SZT2: variants seen among roughly 807,000 people sequenced by gnomAD.
SZT2 encodes SZT2 subunit of KICSTOR complex.
In SZT2, 216 loss-of-function variants were observed where a neutral mutation model predicts 404.2. That is an observed-to-expected ratio of 0.53 (90% CI 0.48 to 0.60). SZT2 has a LOEUF of 0.60. Ranked by LOEUF, SZT2 falls within the 20% of genes least tolerant of loss-of-function variation. SZT2 has a pLI of 0.00. For missense variants in SZT2, 3,857 were observed against 4,459.2 expected (o/e 0.86, Z 3.85); for synonymous variants, 1,693 against 1,749.9 (o/e 0.97, Z 0.81).
chr1:43,434,264 A>G (rs775417753), intron 40 of SZT2, 122 bp from the exon 41 acceptor site: 50 of 811,208 alleles, frequency 6.2e-5, no homozygotes, highest in South Asian at 2.2e-4. Context: ...TCTTGGCCCC[A>G]CCTCCATGAC....
chr1:43,432,846 G>A, intron 39 of SZT2, 47 bp downstream of exon 39: 2 of 1,606,068 alleles, frequency 1.2e-6, no homozygotes, highest in East Asian at 4.5e-5. Context: ...ATGGGAGGTG[G>A]GCTTAGGGCT....
chr1:43,399,682 C>T (rs1329147114), intron 1 of SZT2, among the ~76,000 whole-genome samples: 1 of 151,846 alleles, frequency 6.6e-6, no homozygotes, highest in East Asian at 1.9e-4. Context: ...AGGGTGGTCT[C>T]GATCTCCTGA....
Position 43,442,286 on chromosome 1 carries a change from G to C in SZT2, c.7892G>C (p.Arg2631Pro). 1 of 1,613,842 alleles carries C rather than the reference G, an allele frequency of 6.2e-7. No individual in the cohort carries two copies. The highest frequency in any genetic ancestry group is 8.5e-7 in the Non-Finnish European group (1 of 1,179,848). ...PTQQAAKAMQ[R>P]FEPGGDGSSG... is the part of the protein sequence containing the mutation. ...CCTGTAGCTGCCAAAGCCATGCAGC[G>C]CTTCGAGCCAGGAGGTGATGGGAGC... is the stretch of plus-strand genomic sequence containing the variant. Residue 2631 changes from arginine to proline, a missense_variant, in exon 57 of 72, where the codon CGC becomes CCC. Physicochemically the swap from Arg to Pro is moderately radical, Grantham distance 103. Coordinates refer to ENST00000634258, the MANE Select transcript of SZT2 (RefSeq NM_001365999.1). This position sits in a 1 kb window ranked among gnomAD's most constrained non-coding sequence, Gnocchi z 4.5.
chr1:43,399,040 A>T (rs1490103015), intron 1 of SZT2, among the ~76,000 whole-genome samples: 1 of 152,028 alleles, frequency 6.6e-6, no homozygotes, highest in African/African-American at 2.4e-5. Flanking sequence ...AGATTGCGCC[A>T]CTACACTCCA....
Position 43,430,605 on chromosome 1 carries a change from G to T in SZT2, c.4590G>T (p.Ser1530=). 6.2e-7 allele frequency: 1 copy of T among 1,614,184 alleles called. No individual in the cohort carries two copies. The highest frequency in any genetic ancestry group is 1.1e-5 in the South Asian group (1 of 91,082). The change falls in exon 32 of 72, where the codon TCG becomes TCT. Residue 1530 remains serine, a synonymous_variant. Transcript: ENST00000634258. ...DLGPAGLDSA[S]LSDVDTVNPD... is the part of the protein sequence containing the mutation. ...GGCCTGCTGGGCTAGACTCTGCCTC[G>T]CTGTCAGACGTAGACACTGTGAATC...
rs1651685630 is a variant in SZT2, at chr1:43,416,079, A to G, written c.750A>G (p.Leu250=). The G allele has an allele frequency of 1.9e-6, 3 of 1,598,194 alleles. No individual in the cohort carries two copies. Among genetic ancestry groups the G allele is most frequent in the African/African-American group, 2.7e-5 (2 of 74,890 alleles). ...GTCAGGGCATCTTGGCACTGCAGTT[A>G]CTACCCTCGAACTCTAGTGCAGGTC... ...MIRQGILALQ[L]LPSNSSAGII... The change falls in exon 6 of 72, where the codon TTA becomes TTG. Residue 250 remains leucine (L), a synonymous_variant. Transcript: ENST00000634258.
intron 4 of SZT2, chr1:43,411,964 G>A (rs1651107063): frequency 6.6e-6 from 1 of 151,898 alleles, no homozygotes; most frequent in African/African-American, 2.4e-5. Flanking sequence ...ATTTTAAGTA[G>A]AGACAGGGTT....
chr1:43,417,703 T>C (rs781644467), intron 7 of SZT2, among the ~76,000 whole-genome samples: 10 of 152,206 alleles, frequency 6.6e-5, no homozygotes, highest in Non-Finnish European at 1.2e-4. Flanking sequence ...ACTTAAGAAA[T>C]GGCTGCTATT....
In SZT2 at chr1:43,448,052, A is replaced by G. The variant is rs377384008; in HGVS notation, c.9564-27A>G. The stretch of plus-strand genomic sequence containing the variant: ...CTGTGTGTCTCTTGCTACAACCACC[A>G]CTCTCCTGCCCTGCTCCCCACCCCA... On this transcript the variant is annotated intron_variant, in intron 68 of 71. Coordinates refer to ENST00000634258, the MANE Select transcript of SZT2 (RefSeq NM_001365999.1). This position sits in a 1 kb window ranked among gnomAD's most constrained non-coding sequence, Gnocchi z 4.2. 2.1e-5 allele frequency: 33 copies of G among 1,602,048 alleles called. No homozygotes were observed. Among genetic ancestry groups the G allele is most frequent in the Non-Finnish European group, 2.6e-5 (31 of 1,172,758 alleles).
In SZT2 at chr1:43,425,505, G is replaced by T; in HGVS notation, c.2677G>T (p.Val893Leu). 1 of 1,614,212 alleles carries T rather than the reference G, an allele frequency of 6.2e-7. No homozygotes were observed. Among genetic ancestry groups the T allele is most frequent in the East Asian group, 2.2e-5 (1 of 44,878 alleles). ...GACAGATGATGACAATGATGTGGAA[G>T]TGGAGGCCCTGGAGGGAGACTCAGA... ...FSTDDDNDVE[V>L]EALEGDSELN... is the part of the protein sequence containing the mutation. The change falls in exon 19 of 72, where the codon GTG becomes TTG. Residue 893 changes from valine (V) to leucine (L), a missense_variant. Coordinates refer to ENST00000634258, the MANE Select transcript of SZT2 (RefSeq NM_001365999.1). The surrounding 1 kb of genome is among the most constrained non-coding windows in gnomAD (Gnocchi z 4.3).
intron 1 of SZT2, among the ~76,000 whole-genome samples, chr1:43,402,667 G>A (rs1485924948): frequency 2.0e-5 from 3 of 152,196 alleles, no homozygotes; most frequent in South Asian, 2.1e-4. Context: ...TGAGAAGTGC[G>A]GGGGTGGGGA....
Position 43,442,403 on chromosome 1 carries a change from G to T in SZT2, c.7974+35G>T. The stretch of plus-strand genomic sequence containing the variant: ...GGGCCAGGGACTGGGTGGGAAGAGG[G>T]GTTCCGTGATCTCACTGACCCTGAC... On this transcript the variant is annotated intron_variant, in intron 57 of 71. Transcript: ENST00000634258. This position sits in a 1 kb window ranked among gnomAD's most constrained non-coding sequence, Gnocchi z 4.5. 6.2e-7 allele frequency: 1 copy of T among 1,612,626 alleles called. No homozygotes were observed. The highest frequency in any genetic ancestry group is 1.1e-5 in the South Asian group (1 of 90,834).
rs1653287695 is a variant in SZT2, at chr1:43,427,378, T to A, written c.3531T>A (p.Asp1177Glu). Residue 1177 changes from aspartate (D) to glutamate (E), a missense_variant, in exon 25 of 72, where the codon GAT becomes GAA. This residue lies in a region of SZT2 where 1,725 missense variants were observed against 1,881.0 expected (regional missense o/e 0.92). Transcript: ENST00000634258. Reference protein sequence around the residue: ...GDWSGAPSLKDLGGTGIKATK... With the variant: ...GDWSGAPSLKELGGTGIKATK... Reference sequence around the variant, plus strand: ...GGAGTGGGGCTCCCAGTCTGAAAGATCTAGGAGGAACTGGGATCAAAGCTA... The same window carrying A: ...GGAGTGGGGCTCCCAGTCTGAAAGAACTAGGAGGAACTGGGATCAAAGCTA... The A allele has an allele frequency of 1.2e-6, 2 of 1,614,004 alleles. No homozygotes were observed.
chr1:43,422,520 CG>C lies in SZT2; in HGVS notation c.1811del (p.Arg604ProfsTer14). On this transcript the variant is annotated frameshift_variant, in exon 13 of 72. Coordinates refer to ENST00000634258, the MANE Select transcript of SZT2 (RefSeq NM_001365999.1). LOFTEE classifies it high-confidence loss of function. Reference protein sequence around the residue: ...KHLHTPGSNGRYSTIQCRISH... With the variant: ...KHLHTPGSNGXYSTIQCRISH... ...CTTGCACACCCCGGGCAGCAATGGG[CG>C]CTACAGCACTATCCAGTGCAGGATC... 3 of 1,597,108 alleles carry C rather than the reference CG, an allele frequency of 1.9e-6. No homozygotes were observed. The highest frequency in any genetic ancestry group is 2.5e-6 in the Non-Finnish European group (3 of 1,179,096).
intron 1 of SZT2, 97 bp from the exon 2 acceptor site, chr1:43,403,079 TG>T (rs2153929566): frequency 7.6e-7 from 1 of 1,320,222 alleles, no homozygotes; most frequent in Non-Finnish European, 1.1e-6. Flanking sequence ...CTCTCATTGA[TG>T]GTGAGTTCCT....
Position 43,452,952 on chromosome 1 carries a change from C to T in SZT2, c.*2472C>T, listed in dbSNP as rs1229441743. 1 of 1,609,820 alleles carries T rather than the reference C, an allele frequency of 6.2e-7. No individual in the cohort carries two copies. Among genetic ancestry groups the T allele is most frequent in the Admixed American group, 1.7e-5 (1 of 59,642 alleles). ...AAATACACCAGGCCTCCTCTTGCCA[C>T]AGCACCCTTGCAAGGAACACTCAAC... On this transcript the variant is annotated 3_prime_UTR_variant, in exon 72 of 72. Transcript: ENST00000634258.
intron 59 of SZT2, 51 bp downstream of exon 59, chr1:43,443,137 A>C (rs565391100): frequency 6.2e-7 from 1 of 1,613,420 alleles, no homozygotes; most frequent in Admixed American, 1.7e-5. Flanking sequence ...GGAGTCTGGG[A>C]GGAAGGGAGT....
rs1653081661 is a variant in SZT2 at position 43,425,863 on chromosome 1, G to A, written c.2843G>A (p.Gly948Asp). ...CACCCACGGGATGCTGCCTGCATAG[G>A]CTCCATGCTGAGCTTTGAATACCTG... ...ALHPRDAACIGSMLSFEYLIQ... is the reference protein window; with the variant it reads ...ALHPRDAACIDSMLSFEYLIQ... Residue 948 changes from glycine (G) to aspartate (D), a missense_variant, in exon 20 of 72, where the codon GGC (glycine) becomes GAC (aspartate). By Grantham distance (94) the Gly-to-Asp change is moderately conservative (BLOSUM62 -1). Around this residue, in one of 7 missense-constraint regions of SZT2, gnomAD observed 1,725 missense variants for 1,881.0 expected, o/e 0.92. Coordinates refer to ENST00000634258, the MANE Select transcript of SZT2 (RefSeq NM_001365999.1). The surrounding 1 kb of genome is among the most constrained non-coding windows in gnomAD (Gnocchi z 4.3). The A allele has an allele frequency of 6.2e-7, 1 of 1,614,070 alleles. No individual in the cohort carries two copies. The highest frequency in any genetic ancestry group is 8.5e-7 in the Non-Finnish European group (1 of 1,180,008).
In SZT2 at chr1:43,421,308, G is replaced by A; in HGVS notation, c.1626+5G>A. 3 of 1,598,300 alleles carry A rather than the reference G, an allele frequency of 1.9e-6. No individual in the cohort carries two copies. The highest frequency in any genetic ancestry group is 2.5e-6 in the Non-Finnish European group (3 of 1,179,682). On this transcript the variant is annotated splice_donor_5th_base_variant and intron_variant, in intron 11 of 71. Transcript: ENST00000634258. ...CCTCCAGGCTCCACCACCCCGGTGA[G>A]TAGCTCTGAAGTATAGTAGCCCCAT...
Sources: allele counts gnomAD v4.1 joint callset (sites outside exome capture counted in the v4.1 genomes callset), GRCh38; gene constraint gnomAD v4.1.1; regional missense constraint gnomAD v4.1.1; non-coding constraint Gnocchi (gnomAD v3.1); transcripts MANE v1.5; gene names NCBI Gene and HGNC (gene_info 2026-07-23, HGNC 2026-07-21).